TFCP2: variants seen among roughly 807,000 people sequenced by gnomAD.
The protein encoded by TFCP2 is transcription factor CP2, also known as alpha-globin transcription factor CP2.
A neutral mutation model predicts 73.4 loss-of-function variants in TFCP2; 33 were observed. The ratio of observed to expected loss-of-function variants is 0.45; its 90% confidence interval spans 0.34 to 0.60. The LOEUF (loss-of-function observed/expected upper bound fraction) is 0.60. Ranked by LOEUF, TFCP2 falls within the 20% of genes least tolerant of loss-of-function variation. TFCP2 has a pLI of 0.01. For synonymous variants in TFCP2, 193 were observed against 211.6 expected, an observed-to-expected ratio of 0.91 and a Z score of 0.76; for missense variants, 352 against 604.0, an observed-to-expected ratio of 0.58 and a Z score of 4.37.
At chr12:51,166,519 A>C (rs1054486573) in intron 1 of TFCP2, among the ~76,000 whole-genome samples, 3 of 152,110 alleles carry the variant, frequency 2.0e-5, no homozygotes, top group Admixed American at 1.3e-4. Flanking sequence ...TGAGACCACC[A>C]ATCCCTCAAC....
At chr12:51,098,738 A>T (rs1236654171) in intron 13 of TFCP2, 38 bp downstream of exon 13, 1 of 1,611,540 alleles carries the variant, frequency 6.2e-7, no homozygotes, top group Non-Finnish European at 8.5e-7. Flanking sequence ...TGACAAATTA[A>T]TCATCATCTG....
chr12:51,152,037 T>C (rs1315761752), intron 1 of TFCP2, among the ~76,000 whole-genome samples: 1 of 152,058 alleles, frequency 6.6e-6, no homozygotes, highest in East Asian at 1.9e-4. Context: ...AGGTGAAAAG[T>C]TTGAGAACAG....
At chr12:51,134,265 T>C (rs1203472823) in intron 1 of TFCP2, among the ~76,000 whole-genome samples, 1 of 152,162 alleles carries the variant, frequency 6.6e-6, no homozygotes, top group African/African-American at 2.4e-5. Flanking sequence ...AAACAATACT[T>C]ACTAATTTTG....
chr12:51,102,907 T>A (rs1029823856), intron 10 of TFCP2, among the ~76,000 whole-genome samples: 2 of 151,996 alleles, frequency 1.3e-5, no homozygotes, highest in Non-Finnish European at 2.9e-5. Flanking sequence ...CGGTGCTTTT[T>A]TTTTTTTGGA....
intron 1 of TFCP2, among the ~76,000 whole-genome samples, chr12:51,142,864 T>C (rs1008875427): frequency 1.3e-5 from 2 of 152,124 alleles, no homozygotes; most frequent in Non-Finnish European, 2.9e-5. Flanking sequence ...CAAGTACTTG[T>C]CATGGTCACC....
rs187633952 is a variant in TFCP2, at chr12:51,159,679, G to A, written c.122+12622C>T. ...AATTTGGGTTTGTTTTTAGAGACAG[G>A]GTATCACTATGTTGCCCAGGCTGGC... On this transcript the variant is annotated intron_variant, in intron 1 of 14. Coordinates refer to ENST00000257915, the MANE Select transcript of TFCP2 (RefSeq NM_005653.5). Among the ~76,000 whole-genome samples, 545 of 151,948 alleles carry A rather than the reference G, an allele frequency of 3.6e-3. 3 individuals are homozygous for A. The highest frequency in any genetic ancestry group is 0.013 in the African/African-American group (524 of 41,410).
chr12:51,172,956 A>C lies in TFCP2; in HGVS notation c.-534T>G, dbSNP rs527435383. 1.3e-5 allele frequency: 2 copies of C among 156,372 alleles called. No homozygotes were observed. Among genetic ancestry groups the C allele is most frequent in the Non-Finnish European group, 2.9e-5 (2 of 70,108 alleles). The allele number at this position is 156,372 out of a possible 1,614,324, so 9.7% of individuals were successfully genotyped here. A position where few individuals can be genotyped will look rare whatever the true frequency, so the allele number is the denominator to read the frequency against. On this transcript the variant is annotated 5_prime_UTR_variant, in exon 1 of 15. Transcript: ENST00000257915. ...ACCCCTTCTCAACCCCACGGCTTAG[A>C]ACCAAATCCAGGTTTCCGCTGAGCC...
intron 1 of TFCP2, among the ~76,000 whole-genome samples, chr12:51,160,439 A>ATT (rs577576780): frequency 6.8e-6 from 1 of 146,572 alleles, no homozygotes; most frequent in Non-Finnish European, 1.5e-5. Flanking sequence ...CCAGCTGTGA[A>ATT]TTTTTTTTTT....
At chr12:51,140,445 C>CTTTTTTTTTTTTTTTTTTT (rs768526922) in intron 1 of TFCP2, among the ~76,000 whole-genome samples, 33 of 88,034 alleles carry the variant, frequency 3.7e-4, no homozygotes, top group South Asian at 4.6e-4. Flanking sequence ...TTTTCTTTTT[C>CTTTTTTTTTTTTTTTTTTT]TTTTTTTTTT....
At chr12:51,121,469 A>AT (rs34031215) in intron 1 of TFCP2, among the ~76,000 whole-genome samples, 67,862 of 137,026 alleles carry the variant, frequency 0.5, 17,808 homozygotes, top group Non-Finnish European at 0.59. Context: ...GAATCCAGTG[A>AT]TTTTTTTTTT....
intron 1 of TFCP2, among the ~76,000 whole-genome samples, chr12:51,125,988 T>C (rs1940806296): frequency 1.3e-5 from 2 of 152,026 alleles, no homozygotes; most frequent in Non-Finnish European, 2.9e-5. Context: ...CCCAGCACTT[T>C]GGGAGGCTGA....
intron 1 of TFCP2, among the ~76,000 whole-genome samples, chr12:51,166,719 G>A (rs1007560323): frequency 6.6e-6 from 1 of 152,160 alleles, no homozygotes; most frequent in East Asian, 1.9e-4. Flanking sequence ...CCATGCTTTA[G>A]ACCACCCTGC....
rs1034770983 is a variant in TFCP2, at chr12:51,124,621, A to T, written c.123-5849T>A. 15 of 540,024 alleles carry T rather than the reference A, an allele frequency of 2.8e-5. No homozygotes were observed. In the East Asian group the frequency reaches 7.2e-4, roughly 26 times the overall value. 33.5% of individuals were successfully genotyped at this position (540,024 alleles called of 1,614,324 possible). A position where few individuals can be genotyped will look rare whatever the true frequency, so the allele number is the denominator to read the frequency against. The stretch of plus-strand genomic sequence containing the variant: ...CGGAGGAGCGGACTGCCCCGCCGGC[A>T]GGTAGGTCATGTTCCGAGAGCCTCC... On this transcript the variant is annotated intron_variant, in intron 1 of 14. Coordinates refer to ENST00000257915, the MANE Select transcript of TFCP2 (RefSeq NM_005653.5).
intron 1 of TFCP2, among the ~76,000 whole-genome samples, chr12:51,142,228 A>AG (rs1849473328): frequency 6.8e-6 from 1 of 146,744 alleles, no homozygotes; most frequent in Non-Finnish European, 1.5e-5. Flanking sequence ...AAAAAAAAAA[A>AG]GTCTTTATAA....
chr12:51,140,203 A>G (rs566402038), intron 1 of TFCP2, among the ~76,000 whole-genome samples: 1 of 152,270 alleles, frequency 6.6e-6, no homozygotes, highest in African/African-American at 2.4e-5. Flanking sequence ...TTATGCATGG[A>G]TATTTGCACA....
chr12:51,169,717 G>A (rs888807643), intron 1 of TFCP2, among the ~76,000 whole-genome samples: 3 of 152,178 alleles, frequency 2.0e-5, no homozygotes, highest in Non-Finnish European at 4.4e-5. Flanking sequence ...AACAGGACCC[G>A]TCTCAAAAAG....
At position 51,128,914 on chromosome 12, in the gene TFCP2, T is replaced by C. The variant is rs1472811811; in HGVS notation, c.123-10142A>G. ...TGACATAATCAACTTTTTAAGTAATTCTAAGTGGCTGGAACAGGAGGCTAA... is the reference window on the plus strand; with the variant it reads ...TGACATAATCAACTTTTTAAGTAATCCTAAGTGGCTGGAACAGGAGGCTAA... On this transcript the variant is annotated intron_variant, in intron 1 of 14. Coordinates refer to ENST00000257915, the MANE Select transcript of TFCP2 (RefSeq NM_005653.5). Among the ~76,000 whole-genome samples, 8 of 152,264 alleles carry C rather than the reference T, an allele frequency of 5.3e-5. No homozygotes were observed. In the East Asian group the frequency reaches 1.3e-3, roughly 26 times the overall value.
At chr12:51,110,760 ACAGT>A in intron 5 of TFCP2, 113 bp downstream of exon 5, 1 of 731,878 alleles carries the variant, frequency 1.4e-6, no homozygotes, top group Non-Finnish European at 2.3e-6. Flanking sequence ...CCTGGGCTTG[ACAGT>A]CAGGCTAGAA....
chr12:51,095,547 G>T (rs557899813), intron 14 of TFCP2, among the ~76,000 whole-genome samples: 4 of 152,248 alleles, frequency 2.6e-5, no homozygotes, highest in Non-Finnish European at 5.9e-5. Context: ...AGGCACAGTG[G>T]CTCATGTCTG....
Sources: allele counts gnomAD v4.1 joint callset (sites outside exome capture counted in the v4.1 genomes callset), GRCh38; gene constraint gnomAD v4.1.1; transcripts MANE v1.5; gene names NCBI Gene and HGNC (gene_info 2026-07-23, HGNC 2026-07-21).